PIBF1: variants seen among roughly 807,000 people sequenced by gnomAD.
PIBF1 encodes the protein progesterone-induced-blocking factor 1.
In PIBF1, 90 loss-of-function variants were observed where a neutral mutation model predicts 112.5. The observed-to-expected ratio is 0.80, with a 90% CI of 0.67 to 0.95. The LOEUF (loss-of-function observed/expected upper bound fraction) is 0.95. Among genes scored for constraint, PIBF1 ranks in the 40% least tolerant of loss-of-function variants. PIBF1 has a pLI of 0.00. For synonymous variants in PIBF1, 301 were observed against 288.6 expected (o/e 1.04, Z -0.44); for missense variants, 915 against 852.3 (o/e 1.07, Z -0.92).
intron 16 of PIBF1, among the ~76,000 whole-genome samples, chr13:72,996,087 C>CG (rs33958342): frequency 0.11 from 1,031 of 9,622 alleles, 193 homozygotes; most frequent in East Asian, 0.15. Context: ...AAAAAAAAAG[C>CG]GGGGGGGGGG....
At chr13:72,987,207 T>C (rs2043318694) in intron 16 of PIBF1, among the ~76,000 whole-genome samples, 1 of 151,850 alleles carries the variant, frequency 6.6e-6, no homozygotes, top group Admixed American at 6.6e-5. Flanking sequence ...AGTAGGCACG[T>C]AAAACAGGCA....
intron 11 of PIBF1, among the ~76,000 whole-genome samples, chr13:72,906,604 G>C (rs943388034): frequency 1.3e-5 from 2 of 152,006 alleles, no homozygotes; most frequent in African/African-American, 4.8e-5. Flanking sequence ...CTCTAATATG[G>C]GGTACTAGAG....
chr13:72,848,087 G>A (rs2037952922), intron 9 of PIBF1, among the ~76,000 whole-genome samples: 1 of 152,166 alleles, frequency 6.6e-6, no homozygotes, highest in Non-Finnish European at 1.5e-5. Context: ...CGCCTGCTGA[G>A]CTCTTCTGAT....
intron 16 of PIBF1, among the ~76,000 whole-genome samples, chr13:72,990,879 A>G (rs2043458956): frequency 6.6e-6 from 1 of 152,226 alleles, no homozygotes; most frequent in Non-Finnish European, 1.5e-5. Flanking sequence ...TTAAATATCC[A>G]AAATATATAT....
chr13:72,959,719 A>C (rs2042553733), intron 14 of PIBF1, among the ~76,000 whole-genome samples: 1 of 152,220 alleles, frequency 6.6e-6, no homozygotes, highest in Non-Finnish European at 1.5e-5. Context: ...TAGTACTTGA[A>C]TCAAAAGATA....
chr13:72,896,368 A>G (rs1313189660), intron 11 of PIBF1, among the ~76,000 whole-genome samples: 1 of 152,146 alleles, frequency 6.6e-6, no homozygotes, highest in African/African-American at 2.4e-5. Context: ...CCAGAAAACC[A>G]ACCCTGGTAA....
At chr13:72,803,956 T>C (rs1360113412) in intron 5 of PIBF1, among the ~76,000 whole-genome samples, 1 of 152,210 alleles carries the variant, frequency 6.6e-6, no homozygotes, top group Non-Finnish European at 1.5e-5. Flanking sequence ...TTTTCTGTTT[T>C]TTCTTCTGTT....
At chr13:72,922,909 A>G (rs1247996311) in intron 13 of PIBF1, among the ~76,000 whole-genome samples, 1 of 152,192 alleles carries the variant, frequency 6.6e-6, no homozygotes, top group Non-Finnish European at 1.5e-5. Flanking sequence ...ACAGATAATC[A>G]GCATGAGATC....
At position 72,783,515 on chromosome 13, in the gene PIBF1, A is replaced by C; in HGVS notation, c.46A>C (p.Ser16Arg). ...GGAGTCAAAAAAAGTGAACATCTCTAGTTCTCTGGAATCTGAAGATATTAG... is the reference window on the plus strand; with the variant it reads ...GGAGTCAAAAAAAGTGAACATCTCTCGTTCTCTGGAATCTGAAGATATTAG... ...SKESKKVNIS[S>R]SLESEDISLE... The change falls in exon 2 of 18, where the codon AGT becomes CGT. Residue 16 changes from serine (S) to arginine (R), a missense_variant. Coordinates refer to ENST00000326291, the MANE Select transcript of PIBF1 (RefSeq NM_006346.4). The C allele has an allele frequency of 6.2e-7, 1 of 1,611,932 alleles. No individual in the cohort carries two copies. The highest frequency in any genetic ancestry group is 1.7e-4 in the Middle Eastern group (1 of 6,060).
rs149257725 is a variant in PIBF1 at position 72,957,174 on chromosome 13, A to G, written c.1834-8100A>G. Among the ~76,000 whole-genome samples the G allele has an allele frequency of 8.5e-5, 13 of 152,332 alleles. No homozygotes were observed. The East Asian group carries it at 2.5e-3, about 29-fold the overall frequency. ...ATCCCACTACTGGGTATCTGCCCAG[A>G]GAAAAAGAAGATATTATACGAAAAA... On this transcript the variant is annotated intron_variant, in intron 14 of 17. Coordinates refer to ENST00000326291, the MANE Select transcript of PIBF1 (RefSeq NM_006346.4).
chr13:73,011,692 C>T (rs2044208578), intron 17 of PIBF1, among the ~76,000 whole-genome samples: 1 of 152,124 alleles, frequency 6.6e-6, no homozygotes, highest in African/African-American at 2.4e-5. Context: ...ATCATAGGAC[C>T]ATAGGATGAC....
At chr13:72,849,906 T>C (rs1473856918) in intron 9 of PIBF1, among the ~76,000 whole-genome samples, 1 of 152,158 alleles carries the variant, frequency 6.6e-6, no homozygotes, top group Non-Finnish European at 1.5e-5. Flanking sequence ...CTTTGTGGGA[T>C]TGTTGTGACA....
intron 17 of PIBF1, among the ~76,000 whole-genome samples, chr13:73,000,596 T>C (rs542284266): frequency 1.3e-5 from 2 of 152,268 alleles, no homozygotes; most frequent in African/African-American, 4.8e-5. Flanking sequence ...AGAAAGCAGA[T>C]TGAATACATA....
intron 1 of PIBF1, 49 bp downstream of exon 1, chr13:72,782,398 C>T (rs2034313646): frequency 6.6e-6 from 1 of 152,216 alleles, no homozygotes; most frequent in Non-Finnish European, 1.5e-5. Context: ...GCAAGGAATC[C>T]CCCGAGCTGC....
At chr13:72,975,007 A>G (rs1470710136) in intron 16 of PIBF1, among the ~76,000 whole-genome samples, 1 of 151,588 alleles carries the variant, frequency 6.6e-6, no homozygotes, top group African/African-American at 2.4e-5. Flanking sequence ...TCACTGCCTC[A>G]TCTTAGCCAT....
intron 17 of PIBF1, among the ~76,000 whole-genome samples, chr13:73,012,874 TAGAA>T (rs1394675568): frequency 3.3e-5 from 5 of 151,360 alleles, no homozygotes; most frequent in African/African-American, 9.7e-5. Flanking sequence ...ATGAGAATAT[TAGAA>T]AGAGAAGTAA....
chr13:72,884,488 G>A (rs2039767083), intron 10 of PIBF1: 1 of 152,148 alleles, frequency 6.6e-6, no homozygotes, highest in South Asian at 2.1e-4. Flanking sequence ...TAAGAAAAGT[G>A]TAGGGAGAAA....
At chr13:72,890,121 G>A (rs1460852078) in intron 10 of PIBF1, among the ~76,000 whole-genome samples, 1 of 152,110 alleles carries the variant, frequency 6.6e-6, no homozygotes, top group Non-Finnish European at 1.5e-5. Flanking sequence ...GAGTCTACAT[G>A]TAAAGACTGC....
At chr13:72,858,389 C>T (rs890710865) in intron 10 of PIBF1, among the ~76,000 whole-genome samples, 2 of 152,114 alleles carry the variant, frequency 1.3e-5, no homozygotes, top group African/African-American at 4.8e-5. Flanking sequence ...ATTTCTAGTA[C>T]GTTATCCTGC....
Sources: allele counts gnomAD v4.1 joint callset (sites outside exome capture counted in the v4.1 genomes callset), GRCh38; gene constraint gnomAD v4.1.1; transcripts MANE v1.5; gene names NCBI Gene and HGNC (gene_info 2026-07-23, HGNC 2026-07-21).